The following PRKG2 variants were observed in gnomAD, a reference collection of about 807,000 sequenced individuals.
The protein encoded by PRKG2 is cGMP-dependent protein kinase 2.
Under a neutral mutation model 97.2 loss-of-function variants are expected in PRKG2, and 33 were observed. The observed-to-expected ratio is 0.34, with a 90% CI of 0.26 to 0.45. PRKG2 has a LOEUF of 0.45. Among genes scored for constraint, PRKG2 ranks in the 20% least tolerant of loss-of-function variants. The pLI, the probability that PRKG2 is intolerant of heterozygous loss-of-function variation, is 1.00. For synonymous variants in PRKG2, 330 were observed against 321.8 expected (o/e 1.03, Z -0.27); for missense variants, 638 against 900.0 (o/e 0.71, Z 3.73).
At chr4:81,094,683 T>G (rs1741938869) in intron 17 of PRKG2, among the ~76,000 whole-genome samples, 1 of 151,994 alleles carries the variant, frequency 6.6e-6, no homozygotes, top group South Asian at 2.1e-4. Context: ...AAAGTGATAT[T>G]TGAAAGAGCC....
intron 2 of PRKG2, among the ~76,000 whole-genome samples, chr4:81,202,669 C>T (rs1753390143): frequency 6.6e-6 from 1 of 151,940 alleles, no homozygotes; most frequent in African/African-American, 2.4e-5. Flanking sequence ...TTCCTGTGTC[C>T]CATTCACTAT....
intron 4 of PRKG2, among the ~76,000 whole-genome samples, chr4:81,170,473 C>CA (rs949218802): frequency 6.6e-6 from 1 of 151,904 alleles, no homozygotes; most frequent in Non-Finnish European, 1.5e-5. Context: ...GATCAAAACC[C>CA]AAAGCTCTGG....
chr4:81,126,254 C>T (rs1389558319), intron 14 of PRKG2, among the ~76,000 whole-genome samples: 1 of 152,188 alleles, frequency 6.6e-6, no homozygotes, highest in South Asian at 2.1e-4. Flanking sequence ...ATATGTGCCA[C>T]ATTTTCTTTA....
In PRKG2 at chr4:81,142,821, G is replaced by A. The variant is rs1396991132; in HGVS notation, c.1380C>T (p.Gly460=). Residue 460 remains glycine (G), a synonymous_variant, in exon 11 of 19, where the codon GGC becomes GGT. Coordinates refer to ENST00000264399, the MANE Select transcript of PRKG2 (RefSeq NM_006259.3). ...FQNLEIIATL[G]VGGFGRVELV... The stretch of plus-strand genomic sequence containing the variant: ...GCTCAACTCTTCCGAACCCACCAAC[G>A]CCCAGTGTTGCAATAATCTCAAGGT... 1.2e-6 allele frequency: 2 copies of A among 1,608,470 alleles called. No homozygotes were observed. Among genetic ancestry groups the A allele is most frequent in the South Asian group, 1.1e-5 (1 of 90,030 alleles).
chr4:81,214,062 T>C (rs772869374), intron 1 of PRKG2, among the ~76,000 whole-genome samples: 2 of 142,538 alleles, frequency 1.4e-5, no homozygotes, highest in African/African-American at 2.7e-5. Flanking sequence ...ATGAGTTAAA[T>C]AGAAACTTGC....
At chr4:81,168,182 C>T (rs1265616164) in intron 5 of PRKG2, among the ~76,000 whole-genome samples, 1 of 152,058 alleles carries the variant, frequency 6.6e-6, no homozygotes, top group Non-Finnish European at 1.5e-5. Flanking sequence ...TCCAAACAGG[C>T]ATCTATAACA....
intron 1 of PRKG2, among the ~76,000 whole-genome samples, chr4:81,210,775 T>C (rs1279557900): frequency 6.6e-6 from 1 of 152,186 alleles, no homozygotes; most frequent in East Asian, 1.9e-4. Flanking sequence ...GCTTTGTTTA[T>C]AATTCCCAAA....
chr4:81,149,664 G>T (rs1219695797), intron 8 of PRKG2, among the ~76,000 whole-genome samples: 1 of 152,050 alleles, frequency 6.6e-6, no homozygotes, highest in African/African-American at 2.4e-5. Context: ...CTTCTTTACA[G>T]ACCTTTACTT....
At chr4:81,193,328 C>G (rs1250483063) in intron 2 of PRKG2, 1 of 152,152 alleles carries the variant, frequency 6.6e-6, no homozygotes, top group Non-Finnish European at 1.5e-5. Context: ...AACTGCGGAA[C>G]CTTAGGCAAG....
At chr4:81,106,290 A>G (rs1319270586) in intron 15 of PRKG2, among the ~76,000 whole-genome samples, 1 of 152,104 alleles carries the variant, frequency 6.6e-6, no homozygotes, top group Non-Finnish European at 1.5e-5. Flanking sequence ...AAAGAGAGGG[A>G]AGGAAGTGAA....
chr4:81,154,084 G>A, intron 6 of PRKG2: 1 of 180,748 alleles, frequency 5.5e-6, no homozygotes. Context: ...GGCGCACCAC[G>A]AGATTATATC....
At chr4:81,107,029 A>G (rs914079235) in intron 15 of PRKG2, among the ~76,000 whole-genome samples, 12 of 152,248 alleles carry the variant, frequency 7.9e-5, no homozygotes, top group African/African-American at 2.9e-4. Flanking sequence ...ACTAAGACAC[A>G]TAGTAAAGCC....
chr4:81,202,674 C>T (rs1313407010), intron 2 of PRKG2, among the ~76,000 whole-genome samples: 1 of 151,878 alleles, frequency 6.6e-6, no homozygotes, highest in Non-Finnish European at 1.5e-5. Context: ...GTGTCCCATT[C>T]ACTATAGACA....
At chr4:81,203,374 T>C (rs7688270) in intron 2 of PRKG2, among the ~76,000 whole-genome samples, 3,935 of 152,238 alleles carry the variant, frequency 0.026, 166 homozygotes, top group African/African-American at 0.089. Flanking sequence ...TTATTGATCA[T>C]TCACTATGCT....
At chr4:81,154,318 G>A (rs1247693324) in intron 6 of PRKG2, 4 of 152,498 alleles carry the variant, frequency 2.6e-5, no homozygotes, top group Non-Finnish European at 5.8e-5. Context: ...CTGGGGGCAG[G>A]GCACAGACAA....
rs375733133 is a variant in PRKG2, at chr4:81,100,081, A to G, written c.2126+4289T>C. 1.4e-4 allele frequency among the ~76,000 whole-genome samples: 22 copies of G among 151,884 alleles called. No individual in the cohort carries two copies. In the East Asian group the frequency reaches 1.9e-3, roughly 13 times the overall value. On this transcript the variant is annotated intron_variant, in intron 17 of 18. Coordinates refer to ENST00000264399, the MANE Select transcript of PRKG2 (RefSeq NM_006259.3). ...ATAAAAGAGGATACAAACAAATGGA[A>G]GAACATTCCATGCTCATTGGTAGGA...
At position 81,189,040 on chromosome 4, in the gene PRKG2, G is replaced by GAA. The variant is rs1200661230; in HGVS notation, c.462-14083_462-14082dup. ...AAGTATAATAATAATAATAAAAAAA[G>GAA]AAAAAAAAAAGATTAAAAAAAATAA... On this transcript the variant is annotated intron_variant, in intron 2 of 18. Transcript: ENST00000264399. 2.0e-4 allele frequency among the ~76,000 whole-genome samples: 3 copies of GAA among 15,362 alleles called. 1 individual carries two copies. The highest frequency in any genetic ancestry group is 1.4e-3 in the African/African-American group (3 of 2,170). The allele number at this position is 15,362 out of a possible 152,430, so 10.1% of individuals were successfully genotyped here.
intron 14 of PRKG2, among the ~76,000 whole-genome samples, chr4:81,125,849 G>A (rs1225475506): frequency 6.6e-6 from 1 of 152,036 alleles, no homozygotes; most frequent in Admixed American, 6.6e-5. Flanking sequence ...GTGACTTACT[G>A]ACGATTTCTA....
chr4:81,129,454 T>C (rs1331116854), intron 14 of PRKG2, among the ~76,000 whole-genome samples: 2 of 152,156 alleles, frequency 1.3e-5, no homozygotes, highest in African/African-American at 4.8e-5. Context: ...CCCACTATTA[T>C]TGTGTAGGAA....
Sources: allele counts gnomAD v4.1 joint callset (sites outside exome capture counted in the v4.1 genomes callset), GRCh38; gene constraint gnomAD v4.1.1; transcripts MANE v1.5; gene names NCBI Gene and HGNC (gene_info 2026-07-23, HGNC 2026-07-21).